Variants in JPH3 observed in about 807,000 individuals in gnomAD.
The protein encoded by JPH3 is junctophilin-3.
JPH3 carries 11 observed loss-of-function variants against 59.6 expected under a neutral mutation model. That is an observed-to-expected ratio of 0.18 (90% CI 0.12 to 0.31). JPH3 has a LOEUF of 0.31. Among genes scored for constraint, JPH3 ranks in the 10% least tolerant of loss-of-function variants. The probability of loss-of-function intolerance (pLI) is 1.00; values close to 1 mark genes in which losing one functional copy is unlikely to be tolerated. For synonymous variants in JPH3, 673 were observed against 483.6 expected, an observed-to-expected ratio of 1.39 and a Z score of -5.14; for missense variants, 1,202 against 1,105.7, an observed-to-expected ratio of 1.09 and a Z score of -1.24.
rs79663808 is a variant in JPH3, at chr16:87,636,619, G to A, written c.383-7639G>A. 8.5e-5 allele frequency among the ~76,000 whole-genome samples: 13 copies of A among 152,310 alleles called. No homozygotes were observed. In the East Asian group the frequency reaches 9.7e-4, roughly 11 times the overall value. Reference sequence around the variant, plus strand: ...GAGGTCAGGCTACGCAGGCAGTCACGGCAGAACTGAAGGCCGTGTGCTTTC... The same window carrying A: ...GAGGTCAGGCTACGCAGGCAGTCACAGCAGAACTGAAGGCCGTGTGCTTTC... On this transcript the variant is annotated intron_variant, in intron 1 of 4. Coordinates refer to ENST00000284262, the MANE Select transcript of JPH3 (RefSeq NM_020655.4).
At chr16:87,644,137 CAAAA>C in intron 1 of JPH3, 117 bp from the exon 2 acceptor site, 1 of 1,122,994 alleles carries the variant, frequency 8.9e-7, no homozygotes, top group East Asian at 2.4e-5. Flanking sequence ...GAACCTGTCT[CAAAA>C]AACACAAAAC....
intron 4 of JPH3, among the ~76,000 whole-genome samples, chr16:87,692,660 G>A (rs1213073260): frequency 6.6e-6 from 1 of 152,178 alleles, no homozygotes; most frequent in Non-Finnish European, 1.5e-5. Context: ...TCAGGGTAAA[G>A]TCCCTTAGGA....
chr16:87,632,736 C>G (rs1302649236), intron 1 of JPH3, among the ~76,000 whole-genome samples: 3 of 152,108 alleles, frequency 2.0e-5, no homozygotes, highest in South Asian at 2.1e-4. Context: ...CTATTAAAAA[C>G]ACAAAAATTA....
chr16:87,609,349 C>G (rs577079707), intron 1 of JPH3, among the ~76,000 whole-genome samples: 2 of 152,188 alleles, frequency 1.3e-5, no homozygotes, highest in African/African-American at 4.8e-5. Flanking sequence ...TCATTGCAAC[C>G]TCTGCCTCCT....
intron 2 of JPH3, among the ~76,000 whole-genome samples, chr16:87,647,664 CT>C (rs927568713): frequency 1.3e-4 from 20 of 152,220 alleles, no homozygotes; most frequent in Admixed American, 1.1e-3. Flanking sequence ...AAGGGACTGG[CT>C]CACCCGCCAT....
chr16:87,669,658 G>A (rs2032964349), intron 2 of JPH3, among the ~76,000 whole-genome samples: 1 of 152,202 alleles, frequency 6.6e-6, no homozygotes, highest in African/African-American at 2.4e-5. Context: ...TGGCGTGTGG[G>A]GTGGAGGCCG....
rs561892729 is a variant in JPH3 at position 87,696,731 on chromosome 16, A to T, written c.*71A>T. 2.0e-5 allele frequency: 25 copies of T among 1,281,494 alleles called. No individual in the cohort carries two copies. In the East Asian group the frequency reaches 5.8e-4, roughly 30 times the overall value. 79.4% of individuals were successfully genotyped at this position (1,281,494 alleles called of 1,614,324 possible). A position where few individuals can be genotyped will look rare whatever the true frequency, so the allele number is the denominator to read the frequency against. ...ACATTAAAATTAAAAGCAAAACCAC[A>T]AGAAGGGAAAGACCGCAACTCGGAC... On this transcript the variant is annotated 3_prime_UTR_variant, in exon 5 of 5. Coordinates refer to ENST00000284262, the MANE Select transcript of JPH3 (RefSeq NM_020655.4).
Position 87,644,579 on chromosome 16 carries a change from C to G in JPH3, c.704C>G (p.Ala235Gly), listed in dbSNP as rs201066038. 5.3e-5 allele frequency: 86 copies of G among 1,612,814 alleles called. No homozygotes were observed. Among genetic ancestry groups the G allele is most frequent in the Non-Finnish European group, 7.0e-5 (83 of 1,179,844 alleles). The change falls in exon 2 of 5, where the codon GCC becomes GGC. Residue 235 changes from alanine to glycine, a missense_variant. Transcript: ENST00000284262. ...LRKSESKSSL[A>G]SQRSKQSSFR... ...AAGTCGGAGTCCAAGAGCAGCCTGG[C>G]CAGCCAACGCAGCAAGCAGAGCTCC...
At chr16:87,662,098 T>C (rs1264122941) in intron 2 of JPH3, among the ~76,000 whole-genome samples, 1 of 152,238 alleles carries the variant, frequency 6.6e-6, no homozygotes, top group African/African-American at 2.4e-5. Flanking sequence ...TTTTATTTTC[T>C]GTACCTACGG....
At position 87,644,533 on chromosome 16, in the gene JPH3, C is replaced by G; in HGVS notation, c.658C>G (p.Leu220Val). 1 of 1,612,912 alleles carries G rather than the reference C, an allele frequency of 6.2e-7. No individual in the cohort carries two copies. The change falls in exon 2 of 5, where the codon CTG becomes GTG. Residue 220 changes from leucine to valine, a missense_variant. Physicochemically the swap from Leu to Val is conservative, Grantham distance 32 (BLOSUM62 1). Transcript: ENST00000284262. ...KKKGLFRRSLLSGLKLRKSES... is the reference protein window; with the variant it reads ...KKKGLFRRSLVSGLKLRKSES... ...GAAGGGGCTGTTTCGGCGCTCGCTG[C>G]TGAGTGGGCTGAAGCTGCGCAAGTC...
chr16:87,687,707 A>T (rs546671396), intron 3 of JPH3, among the ~76,000 whole-genome samples: 12 of 152,314 alleles, frequency 7.9e-5, no homozygotes, highest in African/African-American at 2.9e-4. Flanking sequence ...CCTGCTCAGC[A>T]GCTCATTCTA....
chr16:87,648,477 G>A (rs963875945), intron 2 of JPH3, among the ~76,000 whole-genome samples: 1 of 152,158 alleles, frequency 6.6e-6, no homozygotes, highest in Non-Finnish European at 1.5e-5. Flanking sequence ...GCCCCGGCCG[G>A]CAGGGCTTGT....
At chr16:87,628,989 A>T (rs1011883248) in intron 1 of JPH3, among the ~76,000 whole-genome samples, 2 of 152,054 alleles carry the variant, frequency 1.3e-5, no homozygotes, top group African/African-American at 4.8e-5. Flanking sequence ...GGGCTTCCTC[A>T]ATGTCAGGGA....
In JPH3 at chr16:87,671,725, G is replaced by A. The variant is rs113497790; in HGVS notation, c.1161-12417G>A. 4.8e-3 allele frequency among the ~76,000 whole-genome samples: 735 copies of A among 152,264 alleles called. 1 individual carries two copies. The highest frequency in any genetic ancestry group is 9.0e-3 in the Non-Finnish European group (609 of 68,018). On this transcript the variant is annotated intron_variant, in intron 2 of 4. Coordinates refer to ENST00000284262, the MANE Select transcript of JPH3 (RefSeq NM_020655.4). ...CCCTTGGTGTTGCCGCATCCTCCCT[G>A]GGCCCAAGATTCCTGGAGCTGGAGA... is the stretch of plus-strand genomic sequence containing the variant.
At chr16:87,671,994 G>A (rs1354144777) in intron 2 of JPH3, among the ~76,000 whole-genome samples, 1 of 152,206 alleles carries the variant, frequency 6.6e-6, no homozygotes, top group Non-Finnish European at 1.5e-5. Context: ...GGTGCCTGAC[G>A]GGGTACGTGC....
intron 2 of JPH3, among the ~76,000 whole-genome samples, chr16:87,665,061 A>C (rs2032819774): frequency 6.6e-6 from 1 of 152,232 alleles, no homozygotes. Flanking sequence ...GATAAACAGG[A>C]ACCATCCGGC....
At chr16:87,655,623 G>A (rs148424863) in intron 2 of JPH3, among the ~76,000 whole-genome samples, 1 of 152,356 alleles carries the variant, frequency 6.6e-6, no homozygotes, top group East Asian at 1.9e-4. Flanking sequence ...AAAGTGCTGG[G>A]ATTACAGGCG....
At chr16:87,643,599 C>T (rs2032028383) in intron 1 of JPH3, among the ~76,000 whole-genome samples, 1 of 152,216 alleles carries the variant, frequency 6.6e-6, no homozygotes, top group Non-Finnish European at 1.5e-5. Context: ...CACTCATTAG[C>T]CTCCTAACCC....
At chr16:87,604,316 TGCTGCTGCTGCTGTA>T in intron 1 of JPH3, 1 of 1,467,482 alleles carries the variant, frequency 6.8e-7, no homozygotes, top group Non-Finnish European at 9.1e-7. Flanking sequence ...CTGCTGCTGC[TGCTGCTGCTGCTGTA>T]AGATGGTTTC....
Sources: allele counts gnomAD v4.1 joint callset (sites outside exome capture counted in the v4.1 genomes callset), GRCh38; gene constraint gnomAD v4.1.1; transcripts MANE v1.5; gene names NCBI Gene and HGNC (gene_info 2026-07-23, HGNC 2026-07-21).